The following ITGA11 variants were observed in gnomAD, a reference collection of about 807,000 sequenced individuals.
ITGA11 encodes the protein integrin subunit alpha 11, also known as integrin alpha-11.
ITGA11 carries 97 observed loss-of-function variants against 141.9 expected under a neutral mutation model. The observed-to-expected ratio is 0.68, with a 90% CI of 0.58 to 0.81. The LOEUF is 0.81. Among genes scored for constraint, ITGA11 ranks in the 30% least tolerant of loss-of-function variants. The pLI is 0.00. For synonymous variants in ITGA11, 658 were observed against 624.6 expected (o/e 1.05, Z -0.80); for missense variants, 1,387 against 1,559.2 (o/e 0.89, Z 1.86).
At position 68,322,857 on chromosome 15, in the gene ITGA11, C is replaced by CA. The variant is rs35071996; in HGVS notation, c.2323-1355dup. On this transcript the variant is annotated intron_variant, in intron 18 of 29. Coordinates refer to ENST00000315757, the MANE Select transcript of ITGA11 (RefSeq NM_001004439.2). The surrounding 1 kb of genome is among the most constrained non-coding windows in gnomAD (Gnocchi z 5.6). The stretch of plus-strand genomic sequence containing the variant: ...TGGGTGACAGAGGGAGATACCATTT[C>CA]AAAAAAAAAAAAAAAGAAAGTAGGG... Among the ~76,000 whole-genome samples, 759 of 134,640 alleles carry CA rather than the reference C, an allele frequency of 5.6e-3. 8 individuals are homozygous for CA. Among genetic ancestry groups the CA allele is most frequent in the African/African-American group, 0.02 (704 of 34,700 alleles). 88.3% of individuals were successfully genotyped at this position (134,640 alleles called of 152,430 possible). A position where few individuals can be genotyped will look rare whatever the true frequency, so the allele number is the denominator to read the frequency against.
rs1419436203 is a variant in ITGA11 at position 68,335,727 on chromosome 15, G to A, written c.1395C>T (p.Leu465=). 1.9e-6 allele frequency: 3 copies of A among 1,613,784 alleles called. No individual in the cohort carries two copies. Among genetic ancestry groups the A allele is most frequent in the African/African-American group, 2.7e-5 (2 of 74,942 alleles). The part of the protein sequence containing the change: ...ILFTMHNNRS[L]TIHQAMRGQQ... ...GGCCCCGCATAGCCTGGTGGATGGT[G>A]AGGCTCCGGTTGTTGTGCATGGTGA... Residue 465 remains leucine, a synonymous_variant, in exon 12 of 30, where the codon CTC becomes CTT. Transcript: ENST00000315757. The surrounding 1 kb of genome is among the most constrained non-coding windows in gnomAD (Gnocchi z 4.9).
chr15:68,405,068 C>G (rs759391741), intron 1 of ITGA11, among the ~76,000 whole-genome samples: 1 of 151,988 alleles, frequency 6.6e-6, no homozygotes, highest in East Asian at 1.9e-4. Flanking sequence ...TGGGCACTGA[C>G]CCCCTGCTCA....
In ITGA11 at chr15:68,335,856, A is replaced by G. The variant is rs184820297; in HGVS notation, c.1277-11T>C. ...ATGTGACTGTGTACCCTGCCACAGG[A>G]GGAAACAGGCTGATCTTTGGCACCG... On this transcript the variant is annotated splice_polypyrimidine_tract_variant and intron_variant, in intron 11 of 29. Transcript: ENST00000315757. This position sits in a 1 kb window ranked among gnomAD's most constrained non-coding sequence, Gnocchi z 4.9. 1.2e-3 allele frequency: 1,910 copies of G among 1,611,486 alleles called. 3 individuals carry two copies. Among genetic ancestry groups the G allele is most frequent in the Non-Finnish European group, 1.4e-3 (1,698 of 1,178,840 alleles).
chr15:68,313,938 G>A, intron 22 of ITGA11, 70 bp from the exon 23 acceptor site: 1 of 1,240,474 alleles, frequency 8.1e-7, no homozygotes, highest in Non-Finnish European at 1.2e-6. Flanking sequence ...AGGGTCTGAG[G>A]CAGACTGTGG....
chr15:68,350,912 C>A, intron 8 of ITGA11, 130 bp from the exon 9 acceptor site: 1 of 885,670 alleles, frequency 1.1e-6, no homozygotes, highest in Non-Finnish European at 1.7e-6. Flanking sequence ...GAGTTCCTCG[C>A]AATGCCATTT....
In ITGA11 at chr15:68,307,913, T is replaced by TA. The variant is rs1893255051; in HGVS notation, c.3175-218dup. Among the ~76,000 whole-genome samples the TA allele has an allele frequency of 6.6e-6, 1 of 152,230 alleles. No individual in the cohort carries two copies. Among genetic ancestry groups the TA allele is most frequent in the Non-Finnish European group, 1.5e-5 (1 of 68,050 alleles). ...ATATCTGATGCTCCACTTGAAGCTG[T>TA]ACATTGTGACCGGCCTGGATATATT... On this transcript the variant is annotated intron_variant, in intron 26 of 29. Coordinates refer to ENST00000315757, the MANE Select transcript of ITGA11 (RefSeq NM_001004439.2). The surrounding 1 kb of genome is among the most constrained non-coding windows in gnomAD (Gnocchi z 6.1).
intron 15 of ITGA11, among the ~76,000 whole-genome samples, chr15:68,329,349 C>T (rs1894081973): frequency 6.6e-6 from 1 of 152,230 alleles, no homozygotes; most frequent in Non-Finnish European, 1.5e-5. Flanking sequence ...CCAGGTCCCT[C>T]CACAGAATTC....
chr15:68,404,170 C>T (rs1896581993), intron 1 of ITGA11, among the ~76,000 whole-genome samples: 2 of 152,112 alleles, frequency 1.3e-5, no homozygotes. Context: ...ATTACCGCCT[C>T]CCCTATCTGC....
intron 2 of ITGA11, among the ~76,000 whole-genome samples, chr15:68,386,797 G>A (rs1895995627): frequency 6.6e-6 from 1 of 152,198 alleles, no homozygotes; most frequent in Non-Finnish European, 1.5e-5. Flanking sequence ...CAGGCCCACT[G>A]CTGCAGGTGG....
intron 15 of ITGA11, among the ~76,000 whole-genome samples, chr15:68,329,154 G>A (rs951955000): frequency 3.3e-5 from 5 of 152,202 alleles, no homozygotes; most frequent in African/African-American, 9.7e-5. Context: ...TTGGCTCCAC[G>A]GGCTCCTCAT....
chr15:68,343,068 A>T (rs1396882678), intron 10 of ITGA11, among the ~76,000 whole-genome samples: 1 of 151,230 alleles, frequency 6.6e-6, no homozygotes, highest in Non-Finnish European at 1.5e-5. Flanking sequence ...GCTGTAAAAT[A>T]GTTCTGTTGT....
chr15:68,366,049 TTTG>T (rs1895411731), intron 3 of ITGA11, among the ~76,000 whole-genome samples: 1 of 152,114 alleles, frequency 6.6e-6, no homozygotes, highest in African/African-American at 2.4e-5. Flanking sequence ...GGCAGCTGTG[TTTG>T]TTGTTTTTTC....
At chr15:68,380,479 C>T (rs1257966237) in intron 2 of ITGA11, among the ~76,000 whole-genome samples, 1 of 152,166 alleles carries the variant, frequency 6.6e-6, no homozygotes, top group Non-Finnish European at 1.5e-5. Context: ...TAACCCCTAG[C>T]CCAGTGAGGG....
Position 68,326,570 on chromosome 15 carries a change from A to G in ITGA11, c.2211+84T>C. ...TGAGGTCTGCTGGGGGCTTAGAACC[A>G]GCCAGGCAGACTCTCTGCCTCTCCC... On this transcript the variant is annotated intron_variant, in intron 17 of 29. Coordinates refer to ENST00000315757, the MANE Select transcript of ITGA11 (RefSeq NM_001004439.2). This position sits in a 1 kb window ranked among gnomAD's most constrained non-coding sequence, Gnocchi z 6.8. 6.9e-7 allele frequency: 1 copy of G among 1,444,862 alleles called. No homozygotes were observed. Among genetic ancestry groups the G allele is most frequent in the Non-Finnish European group, 9.3e-7 (1 of 1,078,884 alleles). 89.5% of individuals were successfully genotyped at this position (1,444,862 alleles called of 1,614,324 possible). A position where few individuals can be genotyped will look rare whatever the true frequency, so the allele number is the denominator to read the frequency against.
intron 14 of ITGA11, among the ~76,000 whole-genome samples, chr15:68,331,486 A>G (rs1041737299): frequency 6.6e-6 from 1 of 151,776 alleles, no homozygotes; most frequent in Non-Finnish European, 1.5e-5. Flanking sequence ...TGAGGTGGGC[A>G]TGGTTTCTAG....
chr15:68,332,491 A>G lies in ITGA11; in HGVS notation c.1426-13T>C, dbSNP rs1292681778. The G allele has an allele frequency of 1.2e-6, 2 of 1,611,188 alleles. No individual in the cohort carries two copies. The highest frequency in any genetic ancestry group is 1.7e-6 in the Non-Finnish European group (2 of 1,178,732). ...AGTAAGAGCCTATCTGCGGCACGTGATGGGAGAGAGGAGTGGGCTGGCTGC... is the reference window on the plus strand; with the variant it reads ...AGTAAGAGCCTATCTGCGGCACGTGGTGGGAGAGAGGAGTGGGCTGGCTGC... On this transcript the variant is annotated splice_polypyrimidine_tract_variant and intron_variant, in intron 12 of 29. Transcript: ENST00000315757.
chr15:68,310,652 TC>T (rs561166177), intron 26 of ITGA11, among the ~76,000 whole-genome samples: 282 of 152,272 alleles, frequency 1.9e-3, no homozygotes, highest in African/African-American at 6.6e-3. Flanking sequence ...TTCTTCCCCT[TC>T]CCTCTGCCTC....
At chr15:68,350,470 G>A (rs564387209) in intron 9 of ITGA11, 147 bp downstream of exon 9, 14 of 723,356 alleles carry the variant, frequency 1.9e-5, no homozygotes, top group South Asian at 9.3e-5. Context: ...GGTTACAGGC[G>A]TGAGTCACCA....
intron 1 of ITGA11, among the ~76,000 whole-genome samples, chr15:68,418,241 CTA>C (rs1896933823): frequency 6.6e-6 from 1 of 152,138 alleles, no homozygotes; most frequent in Admixed American, 6.5e-5. Context: ...AATAGGTGAT[CTA>C]TATACATTTG....
Sources: gnomAD v4.1 joint callset for allele counts (sites outside exome capture counted in the v4.1 genomes callset) on GRCh38, gnomAD v4.1.1 for gene constraint, Gnocchi (gnomAD v3.1) non-coding constraint, MANE v1.5 for transcripts, NCBI Gene and HGNC (gene_info 2026-07-23, HGNC 2026-07-21) for gene names.